Variants in TEN1 observed in about 807,000 individuals in gnomAD.
TEN1 encodes CST complex subunit TEN1.
TEN1 carries 6 observed loss-of-function variants against 9.3 expected under a neutral mutation model. The observed-to-expected ratio is 0.65, with a 90% CI of 0.35 to 1.27. The LOEUF (loss-of-function observed/expected upper bound fraction) is 1.27, where lower values mean the gene tolerates loss of function less well. Ranked by LOEUF, TEN1 falls within the 50% of genes most tolerant of loss-of-function variation. The probability of loss-of-function intolerance (pLI) is 0.03; values close to 1 mark genes in which losing one functional copy is unlikely to be tolerated. For synonymous variants in TEN1, 65 were observed against 65.6 expected, an observed-to-expected ratio of 0.99 and a Z score of 0.04; for missense variants, 149 against 158.2, an observed-to-expected ratio of 0.94 and a Z score of 0.31.
At chr17:75,991,043 G>C (rs1383850033) in intron 2 of TEN1, among the ~76,000 whole-genome samples, 1 of 150,782 alleles carries the variant, frequency 6.6e-6, no homozygotes, top group Admixed American at 6.6e-5. Flanking sequence ...CCAGCTACTC[G>C]GGAGGCTGAG....
rs1178755431 is a variant in TEN1 at position 75,991,503 on chromosome 17, C to G, written c.130C>G (p.Leu44Val). 1 of 1,552,356 alleles carries G rather than the reference C, an allele frequency of 6.4e-7. No homozygotes were observed. Among genetic ancestry groups the G allele is most frequent in the Non-Finnish European group, 8.7e-7 (1 of 1,147,144 alleles). Residue 44 changes from leucine (L) to valine (V), a missense_variant, in exon 3 of 4, where the codon CTG becomes GTG. Transcript: ENST00000397640. ...TGACATGATTCAGTCCAGAGTAACA[C>G]TGATGGCTCAGCACGGATCCGATCA... ...LYDMIQSRVT[L>V]MAQHGSDQHQ... is the part of the protein sequence containing the mutation.
intron 2 of TEN1, 38 bp downstream of exon 2, chr17:75,986,322 A>G: frequency 2.0e-6 from 3 of 1,477,972 alleles, no homozygotes; most frequent in Non-Finnish European, 9.2e-7. Flanking sequence ...GGGGGTGATG[A>G]TATGTTAAAT....
intron 1 of TEN1, among the ~76,000 whole-genome samples, chr17:75,985,597 T>C (rs1225535258): frequency 1.3e-5 from 2 of 152,174 alleles, no homozygotes; most frequent in Non-Finnish European, 2.9e-5. Flanking sequence ...CGATCTTGGC[T>C]CACTGAAACT....
At chr17:75,989,274 T>G (rs1413776854) in intron 2 of TEN1, among the ~76,000 whole-genome samples, 4 of 149,918 alleles carry the variant, frequency 2.7e-5, no homozygotes, top group Admixed American at 6.7e-5. Flanking sequence ...TAATTTTTTT[T>G]TTTGTTTTTT....
intron 1 of TEN1, among the ~76,000 whole-genome samples, chr17:75,981,942 G>A (rs1468376112): frequency 1.3e-5 from 2 of 152,106 alleles, no homozygotes; most frequent in African/African-American, 2.4e-5. Context: ...CAGGAGAATC[G>A]CTTGAACCGG....
intron 3 of TEN1, among the ~76,000 whole-genome samples, chr17:75,996,567 C>T (rs532635080): frequency 2.7e-5 from 4 of 150,768 alleles, no homozygotes; most frequent in East Asian, 3.9e-4. Context: ...TAGCAGGGTG[C>T]GTTGTTGCAC....
chr17:75,996,706 CAAAAAAAA>C (rs35106916), intron 3 of TEN1, among the ~76,000 whole-genome samples: 1 of 95,960 alleles, frequency 1.0e-5, no homozygotes, highest in Non-Finnish European at 2.3e-5. Context: ...GAGACCCTGT[CAAAAAAAA>C]AAAAAAAAAG....
rs1389820252 is a variant in TEN1 at position 75,983,124 on chromosome 17, T to TA, written c.-6-3062dup. On this transcript the variant is annotated intron_variant, in intron 1 of 3. Coordinates refer to ENST00000397640, the MANE Select transcript of TEN1 (RefSeq NM_001113324.3). ...GGTGAAACCCCGTCTCTACTAAAAA[T>TA]ACAAAAATTAGCCGGGCATGGTGGC... 2.0e-5 allele frequency among the ~76,000 whole-genome samples: 3 copies of TA among 150,792 alleles called. No homozygotes were observed. In the East Asian group the frequency reaches 6.0e-4, roughly 30 times the overall value.
At chr17:75,999,217 G>A (rs183829221) in intron 3 of TEN1, among the ~76,000 whole-genome samples, 3 of 152,128 alleles carry the variant, frequency 2.0e-5, no homozygotes, top group Non-Finnish European at 4.4e-5. Flanking sequence ...GTGGTGGTGC[G>A]TCCCTGTAGT....
chr17:75,984,885 C>G (rs1291697318), intron 1 of TEN1: 1 of 152,200 alleles, frequency 6.6e-6, no homozygotes, highest in Non-Finnish European at 1.5e-5. Context: ...CTTTTGCTGA[C>G]AAACAGAACA....
intron 3 of TEN1, among the ~76,000 whole-genome samples, chr17:75,993,646 G>A (rs73359820): frequency 0.02 from 3,021 of 152,240 alleles, 40 homozygotes; most frequent in Middle Eastern, 0.058. Context: ...AGGTACCTCC[G>A]ATGTGAGTCA....
In TEN1 at chr17:75,979,487, C is replaced by G. The variant is rs894946847; in HGVS notation, c.-31C>G. On this transcript the variant is annotated 5_prime_UTR_variant, in exon 1 of 4. Transcript: ENST00000397640. ...CCACGCGAGGCGGAAAGAAGAAATC[C>G]GAGGACCGGCGACGCCTAGAACAGG... The G allele has an allele frequency of 8.9e-6, 3 of 337,138 alleles. No individual in the cohort carries two copies. The highest frequency in any genetic ancestry group is 7.0e-5 in the South Asian group (3 of 42,828). 20.9% of individuals were successfully genotyped at this position (337,138 alleles called of 1,614,324 possible).
chr17:75,980,531 G>C (rs1449724533), intron 1 of TEN1, among the ~76,000 whole-genome samples: 1 of 151,704 alleles, frequency 6.6e-6, no homozygotes, highest in Non-Finnish European at 1.5e-5. Flanking sequence ...GGGTTCAAGC[G>C]ATTCTCCTAT....
intron 1 of TEN1, among the ~76,000 whole-genome samples, chr17:75,980,747 G>T (rs2066112352): frequency 6.6e-6 from 1 of 152,202 alleles, no homozygotes; most frequent in Non-Finnish European, 1.5e-5. Context: ...GTAATACTAT[G>T]ACTTTGGTTT....
intron 1 of TEN1, 120 bp from the exon 2 acceptor site, chr17:75,986,067 A>G (rs2066150449): frequency 1.3e-6 from 1 of 778,766 alleles, no homozygotes; most frequent in Non-Finnish European, 1.9e-6. Context: ...ATTTTAAAAC[A>G]CTGCCTACTG....
chr17:75,998,204 G>C (rs141773954), intron 3 of TEN1, among the ~76,000 whole-genome samples: 5 of 115,314 alleles, frequency 4.3e-5, no homozygotes, highest in African/African-American at 1.6e-4. Flanking sequence ...GTCTCATTCT[G>C]TTTCCCAGGC....
intron 3 of TEN1, among the ~76,000 whole-genome samples, chr17:75,994,356 C>T (rs2066205690): frequency 6.7e-6 from 1 of 150,180 alleles, no homozygotes; most frequent in Non-Finnish European, 1.5e-5. Flanking sequence ...ATCGCTTGAA[C>T]CCGGGAGGCG....
chr17:75,981,857 G>A (rs891137016), intron 1 of TEN1, among the ~76,000 whole-genome samples: 14 of 152,086 alleles, frequency 9.2e-5, no homozygotes, highest in Admixed American at 7.2e-4. Flanking sequence ...GTGAAACCCC[G>A]TCTCTACTAA....
In TEN1 at chr17:75,986,293, G is replaced by C; in HGVS notation, c.92+9G>C. On this transcript the variant is annotated intron_variant, in intron 2 of 3. Transcript: ENST00000397640. ...CTGAGAACATTTGGCAGGTGAGAAC[G>C]GTTATTTTTTTCACTGGTGGGGGTG... 1.9e-6 allele frequency: 3 copies of C among 1,541,280 alleles called. No individual in the cohort carries two copies. The highest frequency in any genetic ancestry group is 2.6e-6 in the Non-Finnish European group (3 of 1,141,956).
Sources: allele counts gnomAD v4.1 joint callset (sites outside exome capture counted in the v4.1 genomes callset), GRCh38; gene constraint gnomAD v4.1.1; transcripts MANE v1.5; gene names NCBI Gene and HGNC (gene_info 2026-07-23, HGNC 2026-07-21).